Variants in SSBP2 observed in about 807,000 individuals in gnomAD.
SSBP2 encodes the protein single stranded DNA binding protein 2, also known as single-stranded DNA-binding protein 2.
SSBP2 carries 17 observed loss-of-function variants against 61.8 expected under a neutral mutation model. That is an observed-to-expected ratio of 0.28 (90% CI 0.19 to 0.41). The LOEUF (loss-of-function observed/expected upper bound fraction) is 0.41. Ranked by LOEUF, SSBP2 falls within the 10% of genes least tolerant of loss-of-function variation. The pLI is 1.00. For missense variants in SSBP2, 310 were observed against 458.7 expected (o/e 0.68, Z 2.96); for synonymous variants, 139 against 141.3 (o/e 0.98, Z 0.12).
At chr5:81,574,429 G>T (rs1417621363) in intron 4 of SSBP2, among the ~76,000 whole-genome samples, 1 of 151,830 alleles carries the variant, frequency 6.6e-6, no homozygotes, top group Non-Finnish European at 1.5e-5. Context: ...TGATAGATAG[G>T]ACATGGTAAA....
At position 81,489,296 on chromosome 5, in the gene SSBP2, G is replaced by A. The variant is rs767688675; in HGVS notation, c.386C>T (p.Pro129Leu). 1 of 1,607,472 alleles carries A rather than the reference G, an allele frequency of 6.2e-7. No homozygotes were observed. Among genetic ancestry groups the A allele is most frequent in the Non-Finnish European group, 8.5e-7 (1 of 1,178,002 alleles). The change falls in exon 6 of 17, where the codon CCT becomes CTT. Residue 129 changes from proline to leucine, a missense_variant. Physicochemically the swap from Pro to Leu is moderately conservative, Grantham distance 98. Around this residue, in one of 4 missense-constraint regions of SSBP2, gnomAD observed 209 missense variants for 286.4 expected, o/e 0.73. Coordinates refer to ENST00000320672, the MANE Select transcript of SSBP2 (RefSeq NM_012446.5). ...GGGCCTTGGACCTCCAGGGTACCGA[G>A]GTGACATAAAAGGCTATTGAAGTAA...
chr5:81,542,192 A>G (rs1418877726), intron 4 of SSBP2, among the ~76,000 whole-genome samples: 2 of 152,208 alleles, frequency 1.3e-5, no homozygotes, highest in African/African-American at 4.8e-5. Context: ...AATCAGAGAA[A>G]TGCAAATCAA....
chr5:81,514,160 T>C (rs1487358649), intron 4 of SSBP2, among the ~76,000 whole-genome samples: 1 of 152,084 alleles, frequency 6.6e-6, no homozygotes, highest in Non-Finnish European at 1.5e-5. Flanking sequence ...GATTATGCTT[T>C]TATGTCATAA....
intron 4 of SSBP2, among the ~76,000 whole-genome samples, chr5:81,612,638 A>T (rs1745564610): frequency 6.6e-6 from 1 of 152,094 alleles, no homozygotes; most frequent in Admixed American, 6.5e-5. Flanking sequence ...ATAAGAAGTA[A>T]CTATAAAATA....
intron 1 of SSBP2, among the ~76,000 whole-genome samples, chr5:81,680,361 C>CTA (rs1214648513): frequency 2.0e-5 from 3 of 147,696 alleles, no homozygotes; most frequent in African/African-American, 7.4e-5. Context: ...ATAATATAAT[C>CTA]TATATAATTA....
At chr5:81,595,265 C>G (rs1267023432) in intron 4 of SSBP2, among the ~76,000 whole-genome samples, 1 of 152,164 alleles carries the variant, frequency 6.6e-6, no homozygotes, top group Non-Finnish European at 1.5e-5. Context: ...TTCCTCGACA[C>G]ATACACTCTC....
chr5:81,672,127 A>G (rs556938981), intron 1 of SSBP2, among the ~76,000 whole-genome samples: 13 of 152,296 alleles, frequency 8.5e-5, no homozygotes, highest in African/African-American at 3.1e-4. Flanking sequence ...TTATATTTAT[A>G]GTGTTTTATA....
intron 4 of SSBP2, among the ~76,000 whole-genome samples, chr5:81,580,858 T>C (rs769095609): frequency 6.6e-6 from 1 of 152,118 alleles, no homozygotes; most frequent in Non-Finnish European, 1.5e-5. Flanking sequence ...TCCACTATGA[T>C]CCCAGTACCT....
At chr5:81,479,611 T>G (rs996009078) in intron 6 of SSBP2, among the ~76,000 whole-genome samples, 4 of 151,978 alleles carry the variant, frequency 2.6e-5, no homozygotes, top group African/African-American at 9.7e-5. Flanking sequence ...TTACAAAAGA[T>G]CTACACACTG....
At chr5:81,721,874 A>G (rs1755561988) in intron 1 of SSBP2, among the ~76,000 whole-genome samples, 1 of 152,072 alleles carries the variant, frequency 6.6e-6, no homozygotes, top group Admixed American at 6.6e-5. Context: ...TTGTTCAAAA[A>G]CACTGGACTC....
At chr5:81,638,610 G>T (rs926894815) in intron 2 of SSBP2, among the ~76,000 whole-genome samples, 2 of 151,558 alleles carry the variant, frequency 1.3e-5, no homozygotes, top group Non-Finnish European at 2.9e-5. Context: ...ACCTAGGAGG[G>T]TATCCCTGTA....
chr5:81,544,114 ATC>A (rs1771525599), intron 4 of SSBP2, among the ~76,000 whole-genome samples: 1 of 151,800 alleles, frequency 6.6e-6, no homozygotes, highest in African/African-American at 2.4e-5. Context: ...CAGTGGCGGG[ATC>A]TCGGCTCACT....
intron 4 of SSBP2, among the ~76,000 whole-genome samples, chr5:81,597,402 T>C (rs1281003483): frequency 6.6e-6 from 1 of 152,222 alleles, no homozygotes; most frequent in Non-Finnish European, 1.5e-5. Flanking sequence ...ACTTTTACAC[T>C]GTTGGTGGGA....
chr5:81,581,096 C>T (rs924458546), intron 4 of SSBP2, among the ~76,000 whole-genome samples: 2 of 152,154 alleles, frequency 1.3e-5, no homozygotes, highest in Admixed American at 6.5e-5. Flanking sequence ...GTTCTATAAG[C>T]ATACTAATGG....
At chr5:81,703,291 T>A (rs758403873) in intron 1 of SSBP2, among the ~76,000 whole-genome samples, 5 of 152,126 alleles carry the variant, frequency 3.3e-5, no homozygotes, top group Admixed American at 6.6e-5. Flanking sequence ...ACAACATATA[T>A]CAGTCATGGT....
chr5:81,421,815 C>G (rs149901515), intron 16 of SSBP2, among the ~76,000 whole-genome samples: 368 of 152,236 alleles, frequency 2.4e-3, no homozygotes, highest in African/African-American at 6.9e-3. Flanking sequence ...TATGTGCCTA[C>G]TGAGCATATG....
intron 6 of SSBP2, among the ~76,000 whole-genome samples, chr5:81,485,262 CTGCTATAT>C (rs1408359100): frequency 2.0e-5 from 3 of 152,134 alleles, no homozygotes; most frequent in Non-Finnish European, 2.9e-5. Context: ...TATTTATCCT[CTGCTATAT>C]TGCACAGTTT....
At chr5:81,460,855 G>C (rs1764487822) in intron 10 of SSBP2, among the ~76,000 whole-genome samples, 200 bp downstream of exon 10, 1 of 151,834 alleles carries the variant, frequency 6.6e-6, no homozygotes. Context: ...GTTTACATTA[G>C]ACCTTGAAGT....
rs189554654 is a variant in SSBP2 at position 81,423,023 on chromosome 5, G to A, written c.1057-2490C>T. ...CAGAACTATACTTTGGTATTTAAAA[G>A]TTTAGAGGCAAGAATAAATAAAAAG... On this transcript the variant is annotated intron_variant, in intron 16 of 16. Coordinates refer to ENST00000320672, the MANE Select transcript of SSBP2 (RefSeq NM_012446.5). Among the ~76,000 whole-genome samples, 13 of 152,362 alleles carry A rather than the reference G, an allele frequency of 8.5e-5. No individual in the cohort carries two copies. In the East Asian group the frequency reaches 2.3e-3, roughly 27 times the overall value.
Sources: allele counts gnomAD v4.1 joint callset (sites outside exome capture counted in the v4.1 genomes callset), GRCh38; gene constraint gnomAD v4.1.1; regional missense constraint gnomAD v4.1.1; transcripts MANE v1.5; gene names NCBI Gene and HGNC (gene_info 2026-07-23, HGNC 2026-07-21).